Variants in STXBP5 observed in about 807,000 individuals in gnomAD.
STXBP5 encodes syntaxin binding protein 5, also known as syntaxin-binding protein 5.
A neutral mutation model predicts 152.4 loss-of-function variants in STXBP5; 50 were observed. That is an observed-to-expected ratio of 0.33 (90% confidence interval 0.26 to 0.42). The LOEUF is 0.42. Ranked by LOEUF, STXBP5 falls within the 10% of genes least tolerant of loss-of-function variation. The pLI is 1.00. For synonymous variants in STXBP5, 492 were observed against 494.7 expected, an observed-to-expected ratio of 0.99 and a Z score of 0.07; for missense variants, 1,167 against 1,388.6, an observed-to-expected ratio of 0.84 and a Z score of 2.54.
At position 147,390,191 on chromosome 6, in the gene STXBP5, T is replaced by A. The variant is rs1216471235; in HGVS notation, c.*5436T>A. On this transcript the variant is annotated 3_prime_UTR_variant, in exon 28 of 28. Transcript: ENST00000321680. ...GTTTAAAAAAAATCTGTGTATTGTTTCATCTAAAAAGAAAAGCACTATTGG... is the reference window on the plus strand; with the variant it reads ...GTTTAAAAAAAATCTGTGTATTGTTACATCTAAAAAGAAAAGCACTATTGG... 6.6e-6 allele frequency: 1 copy of A among 152,044 alleles called. No individual in the cohort carries two copies. Among genetic ancestry groups the A allele is most frequent in the Non-Finnish European group, 1.5e-5 (1 of 67,960 alleles). 9.4% of individuals were successfully genotyped at this position (152,044 alleles called of 1,614,324 possible).
chr6:147,265,785 C>CG (rs1479267608), intron 6 of STXBP5, among the ~76,000 whole-genome samples: 5 of 151,908 alleles, frequency 3.3e-5, no homozygotes, highest in Non-Finnish European at 1.5e-5. Flanking sequence ...CTGTGTGTTA[C>CG]GTTAGAGGTA....
In STXBP5 at chr6:147,235,332, G is replaced by T; in HGVS notation, c.330+1G>T. On this transcript the variant is annotated splice_donor_variant, in intron 3 of 27. Coordinates refer to ENST00000321680, the MANE Select transcript of STXBP5 (RefSeq NM_001127715.4). LOFTEE classifies it high-confidence loss of function. ...CCAGCTCCAGTTCCTGATTAATGAGGTTAGTGAATTGTTTTAATCATTTCT... is the reference window on the plus strand; with the variant it reads ...CCAGCTCCAGTTCCTGATTAATGAGTTTAGTGAATTGTTTTAATCATTTCT... 1 of 1,611,124 alleles carries T rather than the reference G, an allele frequency of 6.2e-7. No homozygotes were observed. Among genetic ancestry groups the T allele is most frequent in the Non-Finnish European group, 8.5e-7 (1 of 1,178,188 alleles).
intron 18 of STXBP5, among the ~76,000 whole-genome samples, chr6:147,327,916 A>G (rs1231399826): frequency 4.6e-5 from 7 of 152,182 alleles, no homozygotes; most frequent in Non-Finnish European, 1.0e-4. Context: ...CCAGTGATTT[A>G]TTGTTTAAAC....
At chr6:147,312,465 GC>G (rs1782431341) in intron 11 of STXBP5, among the ~76,000 whole-genome samples, 1 of 152,022 alleles carries the variant, frequency 6.6e-6, no homozygotes, top group African/African-American at 2.4e-5. Context: ...TGCATTCCCT[GC>G]CCCCAGCCCC....
chr6:147,232,342 C>G (rs997874536), intron 2 of STXBP5, among the ~76,000 whole-genome samples: 2 of 151,814 alleles, frequency 1.3e-5, no homozygotes, highest in African/African-American at 4.8e-5. Flanking sequence ...GCAGTGGGGC[C>G]AGAATTCTGA....
intron 21 of STXBP5, among the ~76,000 whole-genome samples, chr6:147,345,074 C>A (rs965844572): frequency 6.6e-6 from 1 of 152,006 alleles, no homozygotes; most frequent in Non-Finnish European, 1.5e-5. Context: ...TTTCAGAAGT[C>A]GTCTTTTTGA....
intron 8 of STXBP5, among the ~76,000 whole-genome samples, chr6:147,282,558 A>G (rs898362166): frequency 6.6e-6 from 1 of 152,232 alleles, no homozygotes; most frequent in African/African-American, 2.4e-5. Flanking sequence ...ATTTGGTTCC[A>G]TATAATGACT....
At position 147,276,434 on chromosome 6, in the gene STXBP5, TAGG is replaced by T. The variant is rs1474212851; in HGVS notation, c.715-1644_715-1642del. Among the ~76,000 whole-genome samples the T allele has an allele frequency of 2.9e-4, 44 of 152,060 alleles. 1 individual carries two copies. Among genetic ancestry groups the T allele is most frequent in the Admixed American group, 2.6e-3 (39 of 15,268 alleles). ...TAATAATTTAATAATATTTTATAAA[TAGG>T]AGTCACTTTTAAACAAAGATACACA... is the stretch of plus-strand genomic sequence containing the variant. On this transcript the variant is annotated intron_variant, in intron 7 of 27. Coordinates refer to ENST00000321680, the MANE Select transcript of STXBP5 (RefSeq NM_001127715.4).
intron 2 of STXBP5, among the ~76,000 whole-genome samples, chr6:147,220,851 C>T (rs1201364407): frequency 1.3e-5 from 2 of 152,076 alleles, no homozygotes; most frequent in African/African-American, 4.8e-5. Context: ...GCATTTAGGC[C>T]ATTGAAGTTT....
chr6:147,333,544 G>A (rs1231529379), intron 18 of STXBP5, among the ~76,000 whole-genome samples: 4 of 151,934 alleles, frequency 2.6e-5, no homozygotes, highest in African/African-American at 9.7e-5. Flanking sequence ...CAAAAAATAT[G>A]ACTAATTCTC....
intron 25 of STXBP5, among the ~76,000 whole-genome samples, chr6:147,367,231 G>A (rs985266555): frequency 1.3e-5 from 2 of 152,184 alleles, no homozygotes; most frequent in African/African-American, 2.4e-5. Context: ...GTACTTGAAA[G>A]TATAGCAACA....
At chr6:147,207,889 G>A (rs1052329484) in intron 2 of STXBP5, among the ~76,000 whole-genome samples, 1 of 152,070 alleles carries the variant, frequency 6.6e-6, no homozygotes, top group Non-Finnish European at 1.5e-5. Context: ...AATTATAAGT[G>A]AGTACCACCA....
In STXBP5 at chr6:147,204,594, C is replaced by G; in HGVS notation, c.62C>G (p.Ser21Trp). 1 of 1,610,096 alleles carries G rather than the reference C, an allele frequency of 6.2e-7. No individual in the cohort carries two copies. Among genetic ancestry groups the G allele is most frequent in the Non-Finnish European group, 8.5e-7 (1 of 1,178,328 alleles). Residue 21 changes from serine (S) to tryptophan (W), a missense_variant, in exon 1 of 28, where the codon TCG becomes TGG. Ser to Trp is a radical substitution (Grantham distance 177). Transcript: ENST00000321680. The surrounding 1 kb of genome is among the most constrained non-coding windows in gnomAD (Gnocchi z 4.3). ...CTGACCGCCGGCTCGTCCTCGGCGT[C>G]GCAGCAGCAACAGCAGCAGCATCCG... Reference protein sequence around the residue: ...DGLTAGSSSASQQQQQQHPPG... With the variant: ...DGLTAGSSSAWQQQQQQHPPG...
At chr6:147,310,524 A>G (rs911107286) in intron 10 of STXBP5, among the ~76,000 whole-genome samples, 2 of 110,826 alleles carry the variant, frequency 1.8e-5, no homozygotes, top group East Asian at 5.3e-4. Context: ...CTCATAGGAG[A>G]GAAAGTGATT....
chr6:147,235,439 A>C, intron 3 of STXBP5, 108 bp downstream of exon 3: 1 of 817,974 alleles, frequency 1.2e-6, no homozygotes, highest in Non-Finnish European at 1.9e-6. Flanking sequence ...TTGAACAAAA[A>C]TTAATTTATA....
intron 15 of STXBP5, 59 bp downstream of exon 15, chr6:147,315,794 G>T: frequency 6.6e-7 from 1 of 1,526,624 alleles, no homozygotes; most frequent in Non-Finnish European, 9.0e-7. Flanking sequence ...TTTTAAATTT[G>T]TGGATGATTT....
At chr6:147,279,204 A>G (rs1780586321) in intron 8 of STXBP5, among the ~76,000 whole-genome samples, 1 of 152,206 alleles carries the variant, frequency 6.6e-6, no homozygotes, top group Non-Finnish European at 1.5e-5. Flanking sequence ...AACTTATAAG[A>G]AATTTTTATT....
chr6:147,273,558 G>A (rs902577999), intron 7 of STXBP5, among the ~76,000 whole-genome samples: 4 of 152,126 alleles, frequency 2.6e-5, no homozygotes, highest in Non-Finnish European at 5.9e-5. Flanking sequence ...AGATTGAGAA[G>A]CATCAGAAAT....
intron 4 of STXBP5, among the ~76,000 whole-genome samples, chr6:147,255,059 A>G (rs541385924): frequency 4.5e-4 from 68 of 152,260 alleles, no homozygotes; most frequent in Non-Finnish European, 8.5e-4. Flanking sequence ...AAAGACGTGG[A>G]ACCAACCCAA....
Sources: allele counts gnomAD v4.1 joint callset (sites outside exome capture counted in the v4.1 genomes callset), GRCh38; gene constraint gnomAD v4.1.1; non-coding constraint Gnocchi (gnomAD v3.1); transcripts MANE v1.5; gene names NCBI Gene and HGNC (gene_info 2026-07-23, HGNC 2026-07-21).